Variants in HDAC9 observed in about 807,000 individuals in gnomAD.
HDAC9 encodes the protein histone deacetylase 9, also known as MEF-2 interacting transcription repressor (MITR) protein.
Under a neutral mutation model 139.4 loss-of-function variants are expected in HDAC9, and 41 were observed. That is an observed-to-expected ratio of 0.29 (90% CI 0.23 to 0.38). The LOEUF is 0.38. Among genes scored for constraint, HDAC9 ranks in the 10% least tolerant of loss-of-function variants. HDAC9 has a pLI of 1.00. For missense variants in HDAC9, 1,147 were observed against 1,297.0 expected (o/e 0.88, Z 1.78); for synonymous variants, 517 against 476.2 (o/e 1.09, Z -1.12).
rs111949825 is a variant in HDAC9, at chr7:18,574,632, G to A, written c.23-10649G>A. Among the ~76,000 whole-genome samples, 603 of 152,286 alleles carry A rather than the reference G, an allele frequency of 4.0e-3. 6 individuals are homozygous for A. The highest frequency in any genetic ancestry group is 0.014 in the African/African-American group (590 of 41,562). On this transcript the variant is annotated intron_variant, in intron 2 of 25. Transcript: ENST00000686413. ...GGTTCCCAGGCTGTTGCCGAAGGGC[G>A]CCTGCAGGCCCCTGTTGAGCTGCCC...
At chr7:18,462,409 A>G (rs1386681131) in intron 1 of HDAC9, among the ~76,000 whole-genome samples, 1 of 152,012 alleles carries the variant, frequency 6.6e-6, no homozygotes, top group Non-Finnish European at 1.5e-5. Flanking sequence ...TTATTTTCTT[A>G]ATTAAAACCC....
chr7:18,819,151 G>A (rs551856735), intron 17 of HDAC9, among the ~76,000 whole-genome samples: 9 of 152,212 alleles, frequency 5.9e-5, no homozygotes, highest in South Asian at 4.1e-4. Flanking sequence ...TTTATGGTGC[G>A]CACTTGCAAT....
At chr7:18,875,360 G>T (rs1179374137) in intron 22 of HDAC9, among the ~76,000 whole-genome samples, 2 of 151,998 alleles carry the variant, frequency 1.3e-5, no homozygotes, top group African/African-American at 2.4e-5. Context: ...CAAAGAATAG[G>T]GCCCACAGTG....
At chr7:18,689,528 T>C (rs908888385) in intron 12 of HDAC9, among the ~76,000 whole-genome samples, 1 of 151,996 alleles carries the variant, frequency 6.6e-6, no homozygotes, top group African/African-American at 2.4e-5. Flanking sequence ...GTTCTCTTAA[T>C]CAAGAAATTT....
chr7:18,541,565 G>GT (rs1203119399), intron 2 of HDAC9, among the ~76,000 whole-genome samples: 1 of 152,026 alleles, frequency 6.6e-6, no homozygotes, highest in African/African-American at 2.4e-5. Context: ...GTGTTACTCA[G>GT]CAACGATCTT....
intron 8 of HDAC9, among the ~76,000 whole-genome samples, chr7:18,640,534 C>A (rs1011346179): frequency 6.6e-6 from 1 of 151,696 alleles, no homozygotes; most frequent in African/African-American, 2.4e-5. Flanking sequence ...CTCCCTCCCT[C>A]CTTCCTTGGT....
chr7:18,916,193 T>C (rs536114320), intron 22 of HDAC9, among the ~76,000 whole-genome samples: 4 of 151,986 alleles, frequency 2.6e-5, no homozygotes, highest in African/African-American at 7.2e-5. Flanking sequence ...AGCGTGAATA[T>C]GAAATGTCAG....
At chr7:18,580,088 A>G (rs760058787) in intron 2 of HDAC9, among the ~76,000 whole-genome samples, 5 of 152,208 alleles carry the variant, frequency 3.3e-5, no homozygotes, top group Non-Finnish European at 7.4e-5. Flanking sequence ...TAACTAGATT[A>G]TCCTTAGTAC....
At chr7:18,436,915 A>G (rs1235949083) in intron 1 of HDAC9, among the ~76,000 whole-genome samples, 2 of 152,236 alleles carry the variant, frequency 1.3e-5, no homozygotes, top group Non-Finnish European at 2.9e-5. Flanking sequence ...TAAATCTAAC[A>G]GATAGCATGA....
At chr7:18,849,116 C>G (rs567562519) in intron 21 of HDAC9, among the ~76,000 whole-genome samples, 33 of 152,138 alleles carry the variant, frequency 2.2e-4, no homozygotes, top group Non-Finnish European at 3.2e-4. Flanking sequence ...ATTCAGTAAA[C>G]ATGATAAAAG....
chr7:18,127,960 C>T (rs1784774630), intron 1 of HDAC9, among the ~76,000 whole-genome samples: 1 of 152,078 alleles, frequency 6.6e-6, no homozygotes, highest in African/African-American at 2.4e-5. Context: ...ATTGAGGTCT[C>T]TAACAATTCT....
chr7:18,466,963 G>T (rs1260645896), intron 1 of HDAC9, among the ~76,000 whole-genome samples: 1 of 152,032 alleles, frequency 6.6e-6, no homozygotes, highest in East Asian at 1.9e-4. Flanking sequence ...TCATTCTTAT[G>T]CTTGACTATT....
At chr7:18,189,120 A>G (rs184868389) in intron 2 of HDAC9, among the ~76,000 whole-genome samples, 2 of 152,196 alleles carry the variant, frequency 1.3e-5, no homozygotes, top group Non-Finnish European at 2.9e-5. Flanking sequence ...TAGACTGGCT[A>G]AAGAAAATGT....
chr7:18,547,145 A>T (rs1275614473), intron 2 of HDAC9, among the ~76,000 whole-genome samples: 45 of 152,196 alleles, frequency 3.0e-4, no homozygotes, highest in Non-Finnish European at 1.5e-4. Context: ...CTGAGTCACA[A>T]CCTTTTTTGC....
At chr7:18,812,293 G>A (rs750503176) in intron 17 of HDAC9, among the ~76,000 whole-genome samples, 7 of 151,712 alleles carry the variant, frequency 4.6e-5, no homozygotes, top group Non-Finnish European at 8.9e-5. Context: ...CATTTGAGTC[G>A]ATCCAGGTTT....
chr7:18,353,554 C>T (rs921116975), intron 1 of HDAC9, among the ~76,000 whole-genome samples: 1 of 152,164 alleles, frequency 6.6e-6, no homozygotes, highest in Non-Finnish European at 1.5e-5. Flanking sequence ...CCTGAAGCTA[C>T]TGTGGCAACC....
chr7:18,705,270 G>A (rs998306482), intron 12 of HDAC9, among the ~76,000 whole-genome samples: 5 of 152,118 alleles, frequency 3.3e-5, no homozygotes, highest in African/African-American at 1.2e-4. Flanking sequence ...TCTGTTCATT[G>A]TGGTATTTTA....
upstream of HDAC9, among the ~76,000 whole-genome samples, chr7:18,286,088 G>T (rs190887452): frequency 0.023 from 3,433 of 152,112 alleles, 129 homozygotes; most frequent in African/African-American, 0.078. Flanking sequence ...GAAAGATTTA[G>T]TTCACAAACT....
intron 2 of HDAC9, among the ~76,000 whole-genome samples, chr7:18,261,742 G>C (rs956290184): frequency 3.3e-5 from 5 of 152,194 alleles, no homozygotes; most frequent in African/African-American, 9.6e-5. Flanking sequence ...TTTTCTGCTA[G>C]AGCTTTGTGG....
Sources: allele counts gnomAD v4.1 joint callset (sites outside exome capture counted in the v4.1 genomes callset), GRCh38; gene constraint gnomAD v4.1.1; transcripts MANE v1.5; gene names NCBI Gene and HGNC (gene_info 2026-07-23, HGNC 2026-07-21).